PRKG1: variants seen among roughly 807,000 people sequenced by gnomAD.
PRKG1 encodes cGMP-dependent protein kinase 1.
PRKG1 carries 35 observed loss-of-function variants against 88.1 expected under a neutral mutation model. The observed-to-expected ratio is 0.40, with a 90% CI of 0.30 to 0.53. The LOEUF (loss-of-function observed/expected upper bound fraction) is 0.53. Among genes scored for constraint, PRKG1 ranks in the 20% least tolerant of loss-of-function variants. The probability of loss-of-function intolerance (pLI) is 0.59; values close to 1 mark genes in which losing one functional copy is unlikely to be tolerated. For synonymous variants in PRKG1, 303 were observed against 292.5 expected, an observed-to-expected ratio of 1.04 and a Z score of -0.37; for missense variants, 540 against 839.8, an observed-to-expected ratio of 0.64 and a Z score of 4.41.
chr10:51,854,886 G>A (rs142520931), intron 4 of PRKG1, among the ~76,000 whole-genome samples: 130 of 152,136 alleles, frequency 8.5e-4, no homozygotes, highest in African/African-American at 3.0e-3. Context: ...AAGGACTTGC[G>A]CCCACCAGCA....
intron 1 of PRKG1, among the ~76,000 whole-genome samples, chr10:51,110,331 CTG>C (rs1844953907): frequency 6.6e-6 from 1 of 152,112 alleles, no homozygotes; most frequent in Non-Finnish European, 1.5e-5. Context: ...GATAAAGAAA[CTG>C]TGATATATGC....
intron 2 of PRKG1, among the ~76,000 whole-genome samples, chr10:51,445,531 T>TAACAAC (rs943253236): frequency 4.6e-5 from 7 of 151,758 alleles, no homozygotes; most frequent in East Asian, 1.9e-4. Context: ...AGGTTAAATA[T>TAACAAC]AACAACAACA....
chr10:52,003,663 G>A (rs529330373), intron 5 of PRKG1, among the ~76,000 whole-genome samples: 8 of 152,226 alleles, frequency 5.3e-5, no homozygotes, highest in South Asian at 4.1e-4. Flanking sequence ...AGGAATATCC[G>A]TCTGGGGAAG....
intron 3 of PRKG1, among the ~76,000 whole-genome samples, chr10:51,722,841 G>C (rs1001613389): frequency 3.3e-5 from 5 of 152,082 alleles, no homozygotes; most frequent in Non-Finnish European, 7.4e-5. Flanking sequence ...ACTGCTAAAG[G>C]ACTGATTAAA....
chr10:51,538,705 A>G (rs779966824), intron 3 of PRKG1, among the ~76,000 whole-genome samples: 4 of 151,198 alleles, frequency 2.6e-5, no homozygotes, highest in African/African-American at 4.8e-5. Flanking sequence ...ATAGTTTTCT[A>G]TGGTATCTAT....
chr10:51,350,464 C>A (rs1022792541), intron 2 of PRKG1, among the ~76,000 whole-genome samples: 1 of 152,102 alleles, frequency 6.6e-6, no homozygotes. Context: ...ATACTACAGA[C>A]CCACAGTTAG....
intron 3 of PRKG1, among the ~76,000 whole-genome samples, chr10:51,579,502 A>G (rs1221100363): frequency 6.6e-6 from 1 of 152,188 alleles, no homozygotes; most frequent in Non-Finnish European, 1.5e-5. Flanking sequence ...AAAGACTAGC[A>G]TGTCACTTAT....
chr10:52,099,567 T>C (rs999293907), intron 7 of PRKG1, among the ~76,000 whole-genome samples: 1 of 152,140 alleles, frequency 6.6e-6, no homozygotes, highest in Non-Finnish European at 1.5e-5. Context: ...GGGTAACAGG[T>C]CGGAGTAGGA....
intron 9 of PRKG1, among the ~76,000 whole-genome samples, chr10:52,196,081 C>T (rs1404135075): frequency 1.3e-5 from 2 of 152,042 alleles, no homozygotes; most frequent in African/African-American, 2.4e-5. Context: ...GGCACGATCT[C>T]GGCTCACTGC....
At chr10:51,589,372 C>T (rs1413456368) in intron 3 of PRKG1, among the ~76,000 whole-genome samples, 1 of 152,044 alleles carries the variant, frequency 6.6e-6, no homozygotes, top group Non-Finnish European at 1.5e-5. Flanking sequence ...AGCTGTAATC[C>T]CAGCACTTTG....
At chr10:51,523,668 A>G (rs1413427447) in intron 3 of PRKG1, among the ~76,000 whole-genome samples, 1 of 152,226 alleles carries the variant, frequency 6.6e-6, no homozygotes, top group Non-Finnish European at 1.5e-5. Context: ...AAGATTATGG[A>G]CATAGCTAAA....
chr10:51,549,300 A>G (rs1589068730), intron 3 of PRKG1, among the ~76,000 whole-genome samples: 1 of 150,346 alleles, frequency 6.7e-6, no homozygotes, highest in Non-Finnish European at 1.5e-5. Flanking sequence ...AATTTTTTGT[A>G]TTTTTAGTAG....
Position 51,563,056 on chromosome 10 carries a change from A to G in PRKG1, c.592+95220A>G, listed in dbSNP as rs184639154. ...TGGCCTCCCAAAGTATGAGGATTAT[A>G]GGTATGAGCCTCCACACCTAACCAG... On this transcript the variant is annotated intron_variant, in intron 3 of 17. Coordinates refer to ENST00000373980, the MANE Select transcript of PRKG1 (RefSeq NM_006258.4). Among the ~76,000 whole-genome samples, 372 of 152,280 alleles carry G rather than the reference A, an allele frequency of 2.4e-3. 3 individuals carry two copies. Among genetic ancestry groups the G allele is most frequent in the African/African-American group, 8.7e-3 (361 of 41,574 alleles).
chr10:51,431,278 C>G (rs766741285), intron 2 of PRKG1, among the ~76,000 whole-genome samples: 1 of 152,124 alleles, frequency 6.6e-6, no homozygotes, highest in Non-Finnish European at 1.5e-5. Context: ...GAATTTATCA[C>G]TTACATTTTC....
At chr10:51,276,989 G>T (rs1840140599) in intron 2 of PRKG1, among the ~76,000 whole-genome samples, 1 of 152,018 alleles carries the variant, frequency 6.6e-6, no homozygotes, top group Admixed American at 6.6e-5. Flanking sequence ...GTCATTTTTG[G>T]CTTTTGTTGC....
At chr10:51,164,467 T>C (rs1276296599) in intron 2 of PRKG1, among the ~76,000 whole-genome samples, 1 of 152,066 alleles carries the variant, frequency 6.6e-6, no homozygotes, top group Admixed American at 6.5e-5. Flanking sequence ...GCAGAAAAAC[T>C]GGAAACTCCA....
intron 12 of PRKG1, among the ~76,000 whole-genome samples, chr10:52,275,313 A>G (rs527624333): frequency 6.6e-6 from 1 of 152,272 alleles, no homozygotes; most frequent in South Asian, 2.1e-4. Flanking sequence ...TAGTAGTTTC[A>G]GATCTTAGGT....
intron 5 of PRKG1, among the ~76,000 whole-genome samples, chr10:51,995,920 T>C (rs752035832): frequency 8.5e-5 from 13 of 152,124 alleles, no homozygotes; most frequent in Non-Finnish European, 1.8e-4. Flanking sequence ...ATTATTTGGA[T>C]ATGACCCCAA....
chr10:51,357,564 T>C (rs1842393559), intron 2 of PRKG1, among the ~76,000 whole-genome samples: 1 of 151,958 alleles, frequency 6.6e-6, no homozygotes, highest in African/African-American at 2.4e-5. Flanking sequence ...TGTAAAATCC[T>C]TTTTCTCCAC....
Sources: gnomAD v4.1 joint callset for allele counts (sites outside exome capture counted in the v4.1 genomes callset) on GRCh38, gnomAD v4.1.1 for gene constraint, MANE v1.5 for transcripts, NCBI Gene and HGNC (gene_info 2026-07-23, HGNC 2026-07-21) for gene names.